Variants in TIAM2 observed in about 807,000 individuals in gnomAD.
The protein encoded by TIAM2 is TIAM Rac1 associated GEF 2, also known as rho guanine nucleotide exchange factor TIAM2.
TIAM2 carries 80 observed loss-of-function variants against 152.9 expected under a neutral mutation model. That is an observed-to-expected ratio of 0.52 (90% confidence interval 0.44 to 0.63). The LOEUF (loss-of-function observed/expected upper bound fraction) is 0.63, where lower values mean the gene tolerates loss of function less well. Ranked by LOEUF, TIAM2 falls within the 30% of genes least tolerant of loss-of-function variation. The probability of loss-of-function intolerance (pLI) is 0.00; values close to 1 mark genes in which losing one functional copy is unlikely to be tolerated. For missense variants in TIAM2, 1,965 were observed against 2,120.1 expected (o/e 0.93, Z 1.44); for synonymous variants, 804 against 838.0 (o/e 0.96, Z 0.70).
At chr6:155,005,725 G>A (rs191016817) in intron 1 of TIAM2, among the ~76,000 whole-genome samples, 20 of 149,288 alleles carry the variant, frequency 1.3e-4, no homozygotes, top group South Asian at 2.1e-4. Context: ...GTGTAATCTC[G>A]GCTCACTGCA....
At chr6:155,089,454 A>C (rs2114977904) in intron 1 of TIAM2, among the ~76,000 whole-genome samples, 1 of 152,220 alleles carries the variant, frequency 6.6e-6, no homozygotes, top group South Asian at 2.1e-4. Context: ...TGATCCGCCC[A>C]CCTTGGCCTC....
At chr6:155,187,573 C>CTTT (rs59818801) in intron 14 of TIAM2, among the ~76,000 whole-genome samples, 704 of 49,640 alleles carry the variant, frequency 0.014, 38 homozygotes, top group Middle Eastern at 0.023. Context: ...ACCCCGCCCC[C>CTTT]TTTTTTTTTT....
At chr6:155,085,832 C>T (rs1008634551) in intron 1 of TIAM2, among the ~76,000 whole-genome samples, 2 of 152,210 alleles carry the variant, frequency 1.3e-5, no homozygotes, top group African/African-American at 2.4e-5. Flanking sequence ...TCTGTCCACA[C>T]GTGGCACCTA....
intron 9 of TIAM2, chr6:155,169,011 T>C (rs1780510807): frequency 8.0e-7 from 1 of 1,242,814 alleles, no homozygotes; most frequent in African/African-American, 1.5e-5. Context: ...TGTTTTTGTT[T>C]TTGAGACGGA....
chr6:155,244,694 G>C lies in TIAM2; in HGVS notation c.3454G>C (p.Glu1152Gln). ...TTTTGGAAGTTTGCCAGAGATGCTTGAGTTTCAGAAGGTGTTTCTGGAGAC... is the reference window on the plus strand; with the variant it reads ...TTTTGGAAGTTTGCCAGAGATGCTTCAGTTTCAGAAGGTGTTTCTGGAGAC... Reference protein sequence around the residue: ...SLFGSLPEMLEFQKVFLETLE... With the variant: ...SLFGSLPEMLQFQKVFLETLE... Residue 1152 changes from glutamate to glutamine, a missense_variant, in exon 18 of 27, where the codon GAG becomes CAG. Glu to Gln is a conservative substitution (Grantham distance 29). Around this residue, in one of 3 missense-constraint regions of TIAM2, gnomAD observed 935 missense variants for 980.0 expected, o/e 0.95. Transcript: ENST00000682666. 1 of 1,614,084 alleles carries C rather than the reference G, an allele frequency of 6.2e-7. No homozygotes were observed. The highest frequency in any genetic ancestry group is 2.2e-5 in the East Asian group (1 of 44,868).
At chr6:155,097,163 T>C (rs989635488) in intron 2 of TIAM2, among the ~76,000 whole-genome samples, 4 of 152,216 alleles carry the variant, frequency 2.6e-5, no homozygotes, top group Non-Finnish European at 5.9e-5. Context: ...TTGAGAAATA[T>C]CAGTTCAGAT....
Position 155,257,712 on chromosome 6 carries a change from A to C in TIAM2, c.*591A>C. The C allele has an allele frequency of 8.3e-7, 1 of 1,198,714 alleles. No homozygotes were observed. Among genetic ancestry groups the C allele is most frequent in the Admixed American group, 2.1e-5 (1 of 47,272 alleles). 74.3% of individuals were successfully genotyped at this position (1,198,714 alleles called of 1,614,324 possible). A position where few individuals can be genotyped will look rare whatever the true frequency, so the allele number is the denominator to read the frequency against. ...TCTGCCAAGCTGTATAGTAAAAGGA[A>C]AATAAGTCACATCTGGTCATTGGCA... On this transcript the variant is annotated 3_prime_UTR_variant, in exon 27 of 27. Transcript: ENST00000682666.
At chr6:155,030,658 A>C (rs185969310) in intron 1 of TIAM2, among the ~76,000 whole-genome samples, 1 of 152,272 alleles carries the variant, frequency 6.6e-6, no homozygotes, top group East Asian at 1.9e-4. Context: ...AATGTTAGCT[A>C]CTTTCTCCGT....
intron 1 of TIAM2, among the ~76,000 whole-genome samples, chr6:155,009,392 A>C (rs1357934497): frequency 1.3e-5 from 2 of 152,070 alleles, no homozygotes; most frequent in East Asian, 3.9e-4. Flanking sequence ...GTGAGCCACC[A>C]TGCCTGGCCC....
In TIAM2 at chr6:155,183,241, G is replaced by T. The variant is rs142091308; in HGVS notation, c.2805G>T (p.Leu935=). The change falls in exon 14 of 27, where the codon CTG becomes CTT. Residue 935 remains leucine (L), a synonymous_variant. Coordinates refer to ENST00000682666, the MANE Select transcript of TIAM2 (RefSeq NM_012454.4). ...LPDGLAYGEG[L]RKGNEIMTLN... ...TTTCTCCTTCCTTTTTCTCAGGGCT[G>T]AGAAAGGGCAATGAGATCATGACCT... 2 of 1,612,038 alleles carry T rather than the reference G, an allele frequency of 1.2e-6. No individual in the cohort carries two copies.
chr6:155,106,849 C>T (rs573947229), intron 2 of TIAM2, among the ~76,000 whole-genome samples: 11 of 152,328 alleles, frequency 7.2e-5, no homozygotes, highest in South Asian at 2.1e-4. Context: ...CAGGCTGTCC[C>T]GGCTAATGGC....
chr6:155,143,655 T>C (rs777083543), intron 5 of TIAM2, among the ~76,000 whole-genome samples: 9 of 151,758 alleles, frequency 5.9e-5, no homozygotes, highest in Admixed American at 1.3e-4. Flanking sequence ...ACGGAGTGAG[T>C]GAGTGTGGGA....
intron 19 of TIAM2, among the ~76,000 whole-genome samples, chr6:155,246,808 C>T (rs139177854): frequency 1.4e-3 from 210 of 152,352 alleles, no homozygotes; most frequent in African/African-American, 4.7e-3. Context: ...CTGGTAATCA[C>T]ATTCAAAATG....
intron 14 of TIAM2, among the ~76,000 whole-genome samples, chr6:155,199,293 G>C (rs1781426288): frequency 6.6e-6 from 1 of 152,038 alleles, no homozygotes; most frequent in Non-Finnish European, 1.5e-5. Context: ...GGCCAGGCTG[G>C]TCTCGAACTC....
intron 2 of TIAM2, among the ~76,000 whole-genome samples, chr6:155,124,691 A>G (rs1294316591): frequency 1.3e-5 from 2 of 151,762 alleles, no homozygotes; most frequent in Admixed American, 6.6e-5. Context: ...AGATGGGGCC[A>G]GGTTCTAGTG....
chr6:155,125,098 C>T (rs1037764688), intron 2 of TIAM2, among the ~76,000 whole-genome samples: 7 of 151,884 alleles, frequency 4.6e-5, no homozygotes, highest in African/African-American at 1.7e-4. Context: ...TGGTGAAACC[C>T]CGTCTCTACT....
intron 1 of TIAM2, among the ~76,000 whole-genome samples, chr6:155,033,617 C>T (rs1205603315): frequency 3.9e-5 from 6 of 152,022 alleles, no homozygotes; most frequent in Non-Finnish European, 8.8e-5. Context: ...AAATATTTCA[C>T]ACGCAGTGTC....
chr6:155,132,355 C>T (rs1399472106), intron 4 of TIAM2, among the ~76,000 whole-genome samples: 3 of 151,114 alleles, frequency 2.0e-5, no homozygotes, highest in Non-Finnish European at 2.9e-5. Flanking sequence ...GTTTGACTTT[C>T]GTTACTTCCT....
chr6:155,061,099 C>A (rs941177322), intron 1 of TIAM2, among the ~76,000 whole-genome samples: 3 of 152,176 alleles, frequency 2.0e-5, no homozygotes, highest in Non-Finnish European at 4.4e-5. Context: ...GCCAGGTGTG[C>A]CCGTTGCTAT....
Sources: allele counts gnomAD v4.1 joint callset (sites outside exome capture counted in the v4.1 genomes callset), GRCh38; gene constraint gnomAD v4.1.1; regional missense constraint gnomAD v4.1.1; transcripts MANE v1.5; gene names NCBI Gene and HGNC (gene_info 2026-07-23, HGNC 2026-07-21).